PDXDC1: variants seen among roughly 807,000 people sequenced by gnomAD.
PDXDC1 encodes the protein pyridoxal dependent decarboxylase domain containing 1.
In PDXDC1, 42 loss-of-function variants were observed where a neutral mutation model predicts 100.1. The observed-to-expected ratio is 0.42, with a 90% CI of 0.33 to 0.54. PDXDC1 has a LOEUF of 0.54. Among genes scored for constraint, PDXDC1 ranks in the 20% least tolerant of loss-of-function variants. The probability of loss-of-function intolerance (pLI) is 0.10; values close to 1 mark genes in which losing one functional copy is unlikely to be tolerated. For synonymous variants in PDXDC1, 260 were observed against 371.7 expected (o/e 0.70, Z 3.46); for missense variants, 636 against 979.2 (o/e 0.65, Z 4.68).
chr16:15,131,235 G>A (rs1189094956), intron 16 of PDXDC1: 1 of 1,591,798 alleles, frequency 6.3e-7, no homozygotes, highest in South Asian at 1.1e-5. Flanking sequence ...AGTCCGAGTT[G>A]TTGGGCACCT....
chr16:15,008,041 G>A (rs2040934386), intron 6 of PDXDC1, among the ~76,000 whole-genome samples: 1 of 152,278 alleles, frequency 6.6e-6, no homozygotes, highest in African/African-American at 2.4e-5. Flanking sequence ...AGGGTAGGGG[G>A]CTAGGCATTT....
chr16:15,080,304 T>A (rs1409717946), intron 16 of PDXDC1, among the ~76,000 whole-genome samples: 1 of 152,242 alleles, frequency 6.6e-6, no homozygotes, highest in East Asian at 1.9e-4. Context: ...AAATTTTTAA[T>A]TTGCATAACT....
Position 15,036,297 on chromosome 16 carries a change from CTG to C in PDXDC1, c.*24_*25del. 1 of 1,599,996 alleles carries C rather than the reference CTG, an allele frequency of 6.3e-7. No individual in the cohort carries two copies. The highest frequency in any genetic ancestry group is 1.3e-5 in the African/African-American group (1 of 74,712). ...ATGAGACTCATTGTGTGGTTTGAGACTGTACTGAGTATTGTTTCAGGGAAGAT... is the reference window on the plus strand; with the variant it reads ...ATGAGACTCATTGTGTGGTTTGAGACTACTGAGTATTGTTTCAGGGAAGAT... On this transcript the variant is annotated 3_prime_UTR_variant, in exon 23 of 23. Transcript: ENST00000396410.
chr16:14,993,142 T>A (rs1208477865), intron 1 of PDXDC1, among the ~76,000 whole-genome samples: 2 of 152,290 alleles, frequency 1.3e-5, no homozygotes, highest in East Asian at 1.9e-4. Flanking sequence ...AATTTTTTTT[T>A]TAATTTTTTA....
At chr16:15,049,045 C>T (rs1270468601) in intron 16 of PDXDC1, among the ~76,000 whole-genome samples, 7 of 147,314 alleles carry the variant, frequency 4.8e-5, no homozygotes, top group East Asian at 2.0e-4. Context: ...AGGCACACAC[C>T]GCCACACCTG....
chr16:15,102,079 C>G (rs1284731629), intron 16 of PDXDC1, among the ~76,000 whole-genome samples: 2 of 152,156 alleles, frequency 1.3e-5, no homozygotes, highest in African/African-American at 2.4e-5. Flanking sequence ...AACGCCTGAC[C>G]TTGTGATCCA....
chr16:15,148,165 T>C, the PDXDC1 span, among the ~76,000 whole-genome samples: 3 of 151,136 alleles, frequency 2.0e-5, no homozygotes, highest in Non-Finnish European at 4.4e-5. Context: ...TTGGTCTCGC[T>C]ATGTTGCCCA....
At chr16:15,092,670 T>G in intron 16 of PDXDC1, 3 of 1,135,126 alleles carry the variant, frequency 2.6e-6, no homozygotes, top group Non-Finnish European at 4.0e-6. Flanking sequence ...AAAATTATAA[T>G]AGCCAACATT....
Position 15,017,431 on chromosome 16 carries a change from C to T in PDXDC1, c.963+9C>T. 6.2e-7 allele frequency: 1 copy of T among 1,613,336 alleles called. No homozygotes were observed. Among genetic ancestry groups the T allele is most frequent in the East Asian group, 2.2e-5 (1 of 44,816 alleles). On this transcript the variant is annotated intron_variant, in intron 11 of 22. Coordinates refer to ENST00000396410, the MANE Select transcript of PDXDC1 (RefSeq NM_015027.4). ...ACGATGACCCTGCCTTGGTAAGTTT[C>T]CACTCACTGGGGAGGGAGTGGGTGT...
At chr16:15,030,814 A>T (rs2043005353) in intron 16 of PDXDC1, among the ~76,000 whole-genome samples, 2 of 151,756 alleles carry the variant, frequency 1.3e-5, no homozygotes, top group Non-Finnish European at 2.9e-5. Flanking sequence ...CTATATTTTG[A>T]TGTCTTGTGA....
intron 16 of PDXDC1, among the ~76,000 whole-genome samples, chr16:15,062,952 T>G (rs1186380874): frequency 6.6e-6 from 1 of 152,150 alleles, no homozygotes. Context: ...AGCCTTGACC[T>G]CCCACCTCAG....
At chr16:15,035,153 C>G (rs947263100) in intron 21 of PDXDC1, among the ~76,000 whole-genome samples, 2 of 152,224 alleles carry the variant, frequency 1.3e-5, no homozygotes, top group African/African-American at 4.8e-5. Context: ...ATCTGCCAAG[C>G]CTTAGCCTTC....
chr16:14,999,432 G>A (rs1321715166), intron 3 of PDXDC1, among the ~76,000 whole-genome samples: 1 of 151,920 alleles, frequency 6.6e-6, no homozygotes, highest in African/African-American at 2.4e-5. Context: ...CATGGAGCTA[G>A]GCACCGTGGT....
chr16:15,039,369 G>T (rs1299877973), downstream of PDXDC1, among the ~76,000 whole-genome samples: 1 of 152,142 alleles, frequency 6.6e-6, no homozygotes, highest in Non-Finnish European at 1.5e-5. Context: ...TTTCTTTGGG[G>T]TGGCCTGAAT....
intron 1 of PDXDC1, among the ~76,000 whole-genome samples, chr16:14,992,430 C>G (rs1319117562): frequency 6.6e-6 from 1 of 152,272 alleles, no homozygotes. Flanking sequence ...TGGTAGGGGA[C>G]ACACGGGAGT....
At chr16:15,016,677 G>A (rs1597526471) in intron 9 of PDXDC1, among the ~76,000 whole-genome samples, 1 of 152,410 alleles carries the variant, frequency 6.6e-6, no homozygotes, top group Middle Eastern at 3.4e-3. Context: ...AGATAGTGGT[G>A]TCTCCTCCCC....
chr16:15,082,204 T>C (rs2045736143), intron 16 of PDXDC1, among the ~76,000 whole-genome samples: 1 of 152,234 alleles, frequency 6.6e-6, no homozygotes, highest in Admixed American at 6.5e-5. Context: ...ATGAATATGA[T>C]GTTAGCTGTG....
chr16:14,995,659 A>C (rs975638175), intron 1 of PDXDC1, among the ~76,000 whole-genome samples: 2 of 152,292 alleles, frequency 1.3e-5, no homozygotes, highest in African/African-American at 4.8e-5. Context: ...GCCTCATAAA[A>C]TGAGTTAGGG....
intron 1 of PDXDC1, among the ~76,000 whole-genome samples, chr16:14,979,294 CGT>C (rs1483780032): frequency 6.9e-6 from 1 of 145,144 alleles, no homozygotes; most frequent in Non-Finnish European, 1.5e-5. Flanking sequence ...GCTGGCAATT[CGT>C]GTTTTTTTTT....
Sources: allele counts gnomAD v4.1 joint callset (sites outside exome capture counted in the v4.1 genomes callset), GRCh38; gene constraint gnomAD v4.1.1; transcripts MANE v1.5; gene names NCBI Gene and HGNC (gene_info 2026-07-23, HGNC 2026-07-21).